Variants in ACBD5 observed in about 807,000 individuals in gnomAD.
ACBD5 encodes acyl-CoA binding domain containing 5.
Under a neutral mutation model 71.8 loss-of-function variants are expected in ACBD5, and 40 were observed. The ratio of observed to expected loss-of-function variants is 0.56; its 90% CI spans 0.43 to 0.72. ACBD5 has a LOEUF of 0.72. ACBD5 is among the 30% of genes least tolerant of loss of function. ACBD5 has a pLI of 0.00. For missense variants in ACBD5, 559 were observed against 644.5 expected, an observed-to-expected ratio of 0.87 and a Z score of 1.44; for synonymous variants, 229 against 218.6, an observed-to-expected ratio of 1.05 and a Z score of -0.42.
chr10:27,203,616 G>A (rs948552652), intron 12 of ACBD5, among the ~76,000 whole-genome samples: 1 of 152,170 alleles, frequency 6.6e-6, no homozygotes, highest in Non-Finnish European at 1.5e-5. Context: ...GCACATGCCT[G>A]TAATCCCAGC....
At position 27,227,042 on chromosome 10, in the gene ACBD5, A is replaced by G. The variant is rs529969480; in HGVS notation, c.376-3590T>C. ...TTTTTTTTTTTTTTTTAGTTCACCA[A>G]CTATTGTTAGTATCAGTGTATTTTA... On this transcript the variant is annotated intron_variant, in intron 4 of 12. Coordinates refer to ENST00000396271, the MANE Select transcript of ACBD5 (RefSeq NM_145698.5). Among the ~76,000 whole-genome samples, 20 of 39,296 alleles carry G rather than the reference A, an allele frequency of 5.1e-4. No homozygotes were observed. The East Asian group carries it at 7.5e-3, about 15-fold the overall frequency. The allele number at this position is 39,296 out of a possible 152,430, so 25.8% of individuals were successfully genotyped here.
At chr10:27,224,725 C>T (rs2062786302) in intron 4 of ACBD5, among the ~76,000 whole-genome samples, 1 of 152,168 alleles carries the variant, frequency 6.6e-6, no homozygotes, top group Non-Finnish European at 1.5e-5. Flanking sequence ...GTGCCAATCA[C>T]AGGATGTTTA....
In ACBD5 at chr10:27,210,616, G is replaced by A. The variant is rs2060962064; in HGVS notation, c.1204+198C>T. Among the ~76,000 whole-genome samples, 3 of 152,276 alleles carry A rather than the reference G, an allele frequency of 2.0e-5. No individual in the cohort carries two copies. In the South Asian group the frequency reaches 6.2e-4, roughly 32 times the overall value. ...CTACTAAAAATACAAAAATTAGCCA[G>A]GCATGGTGGTGGGTGCCTATAATCC... On this transcript the variant is annotated intron_variant, in intron 9 of 12. Coordinates refer to ENST00000396271, the MANE Select transcript of ACBD5 (RefSeq NM_145698.5).
At chr10:27,226,368 C>T (rs11015617) in intron 4 of ACBD5, among the ~76,000 whole-genome samples, 13,933 of 151,512 alleles carry the variant, frequency 0.092, 826 homozygotes, top group South Asian at 0.18. Context: ...GAATGATCCC[C>T]AGCCATTTGC....
At chr10:27,223,780 T>A (rs1008376482) in intron 4 of ACBD5, among the ~76,000 whole-genome samples, 1 of 151,942 alleles carries the variant, frequency 6.6e-6, no homozygotes, top group Non-Finnish European at 1.5e-5. Context: ...CACGGTGGTG[T>A]GTGTCTGTGG....
At chr10:27,238,880 G>A (rs1398515615) in intron 2 of ACBD5, among the ~76,000 whole-genome samples, 2 of 152,180 alleles carry the variant, frequency 1.3e-5, no homozygotes, top group African/African-American at 4.8e-5. Flanking sequence ...TGGCACAGTA[G>A]TAGCACCTAT....
chr10:27,191,677 A>C (rs1003473895), downstream of ACBD5, among the ~76,000 whole-genome samples: 3 of 152,208 alleles, frequency 2.0e-5, no homozygotes, highest in Admixed American at 1.3e-4. Context: ...TGAGGTCAGA[A>C]GTTTAAGACC....
In ACBD5 at chr10:27,215,653, C is replaced by G; in HGVS notation, c.830-12G>C. The G allele has an allele frequency of 6.4e-7, 1 of 1,574,018 alleles. No homozygotes were observed. Among genetic ancestry groups the G allele is most frequent in the Non-Finnish European group, 8.7e-7 (1 of 1,145,382 alleles). ...ATCATCATTTATATCTAAATATGAA[C>G]AAAAGTGCAGATAGGGTAATTATAC... On this transcript the variant is annotated splice_polypyrimidine_tract_variant and intron_variant, in intron 7 of 12. Transcript: ENST00000396271.
upstream of ACBD5, chr10:27,240,831 G>T: frequency 7.8e-7 from 1 of 1,284,804 alleles, no homozygotes; most frequent in Non-Finnish European, 1.1e-6. The surrounding 1 kb of genome is among the most constrained non-coding windows in gnomAD (Gnocchi z 4.1). Flanking sequence ...CCCCGCCCCA[G>T]AGTCACCGGA....
rs4018758 is a variant in ACBD5, at chr10:27,183,269, T to TTTG, written c.1494-557_1494-555dup. On this transcript the variant is annotated intron_variant, in intron 13 of 13. Coordinates refer to the ACBD5 transcript ENST00000676511. ...TCATTAGCAGCTGCCTTAAAATTCT[T>TTTG]TTGTTGTTGTTGTTGTTGTTGTTGT... 4.1e-3 allele frequency among the ~76,000 whole-genome samples: 618 copies of TTTG among 150,292 alleles called. 4 individuals are homozygous for TTTG. Among genetic ancestry groups the TTTG allele is most frequent in the South Asian group, 0.022 (105 of 4,712 alleles).
Position 27,195,940 on chromosome 10 carries a change from C to A in ACBD5, c.*1490G>T. The A allele has an allele frequency of 2.2e-6, 1 of 446,906 alleles. No individual in the cohort carries two copies. Among genetic ancestry groups the A allele is most frequent in the Non-Finnish European group, 4.4e-6 (1 of 224,768 alleles). 27.7% of individuals were successfully genotyped at this position (446,906 alleles called of 1,614,324 possible). A position where few individuals can be genotyped will look rare whatever the true frequency, so the allele number is the denominator to read the frequency against. On this transcript the variant is annotated 3_prime_UTR_variant, in exon 13 of 13. Coordinates refer to ENST00000396271, the MANE Select transcript of ACBD5 (RefSeq NM_145698.5). ...GCTACAGGCCAGGTGCAGTGGCTCACGCCTCTAATCCCAGCACTTTGGGAG... is the reference window on the plus strand; with the variant it reads ...GCTACAGGCCAGGTGCAGTGGCTCAAGCCTCTAATCCCAGCACTTTGGGAG...
At chr10:27,241,992 T>C (rs1283799071), upstream of ACBD5, 1 of 452,960 alleles carries the variant, frequency 2.2e-6, no homozygotes, top group African/African-American at 2.0e-5. Flanking sequence ...TTAGGAGGGT[T>C]ACTAGGAAAA....
chr10:27,197,518 A>C lies in ACBD5; in HGVS notation c.1566-76T>G. 4 of 1,111,588 alleles carry C rather than the reference A, an allele frequency of 3.6e-6. No homozygotes were observed. In the Admixed American group the frequency reaches 6.2e-5, roughly 17 times the overall value. The allele number at this position is 1,111,588 out of a possible 1,614,324, so 68.9% of individuals were successfully genotyped here. A position where few individuals can be genotyped will look rare whatever the true frequency, so the allele number is the denominator to read the frequency against. ...TTCTCTGGATGGTAACATAATAATA[A>C]TAACATACAAATTCAAAATAAAACC... On this transcript the variant is annotated intron_variant, in intron 12 of 12. Coordinates refer to ENST00000396271, the MANE Select transcript of ACBD5 (RefSeq NM_145698.5).
chr10:27,225,652 T>G (rs1304897953), intron 4 of ACBD5, among the ~76,000 whole-genome samples: 3 of 152,250 alleles, frequency 2.0e-5, no homozygotes, highest in Non-Finnish European at 4.4e-5. Context: ...TATAAATATC[T>G]GAGTTGTAAT....
In ACBD5 at chr10:27,196,226, A is replaced by G. The variant is rs1264687705; in HGVS notation, c.*1204T>C. 1 of 454,106 alleles carries G rather than the reference A, an allele frequency of 2.2e-6. No individual in the cohort carries two copies. The highest frequency in any genetic ancestry group is 4.4e-6 in the Non-Finnish European group (1 of 226,788). The allele number at this position is 454,106 out of a possible 1,614,324, so 28.1% of individuals were successfully genotyped here. A position where few individuals can be genotyped will look rare whatever the true frequency, so the allele number is the denominator to read the frequency against. ...AAAAAAAAAATTATTTGTTACAAAG[A>G]CTGCATCAAAGAAATCTTCAAAGCA... On this transcript the variant is annotated 3_prime_UTR_variant, in exon 13 of 13. Coordinates refer to ENST00000396271, the MANE Select transcript of ACBD5 (RefSeq NM_145698.5).
At chr10:27,212,654 T>C (rs1461881593) in intron 8 of ACBD5, among the ~76,000 whole-genome samples, 3 of 151,112 alleles carry the variant, frequency 2.0e-5, no homozygotes, top group African/African-American at 7.3e-5. Flanking sequence ...TCTTGGCTCA[T>C]TGCAACCACT....
chr10:27,235,338 C>G, intron 2 of ACBD5, 126 bp from the exon 3 acceptor site: 1 of 1,239,598 alleles, frequency 8.1e-7, no homozygotes, highest in South Asian at 1.3e-5. Context: ...TGATTTATTT[C>G]TAGCTTATAG....
At chr10:27,198,440 A>C (rs2059578003) in intron 12 of ACBD5, among the ~76,000 whole-genome samples, 1 of 152,234 alleles carries the variant, frequency 6.6e-6, no homozygotes, top group Admixed American at 6.5e-5. Flanking sequence ...TGAAACTCTC[A>C]TAACAGATTG....
chr10:27,226,617 C>G (rs902730332), intron 4 of ACBD5, among the ~76,000 whole-genome samples: 1 of 150,448 alleles, frequency 6.6e-6, no homozygotes, highest in Non-Finnish European at 1.5e-5. Flanking sequence ...AAATACCCAA[C>G]ACAAATTCGT....
Sources: gnomAD v4.1 joint callset for allele counts (sites outside exome capture counted in the v4.1 genomes callset) on GRCh38, gnomAD v4.1.1 for gene constraint, Gnocchi (gnomAD v3.1) non-coding constraint, MANE v1.5 for transcripts, NCBI Gene and HGNC (gene_info 2026-07-23, HGNC 2026-07-21) for gene names.